The following OTUD7A variants were observed in gnomAD, a reference collection of about 807,000 sequenced individuals.
OTUD7A encodes the protein OTU deubiquitinase 7A, also known as OTU domain-containing protein 7A.
A neutral mutation model predicts 65.7 loss-of-function variants in OTUD7A; 12 were observed. That is an observed-to-expected ratio of 0.18 (90% confidence interval 0.12 to 0.30). OTUD7A has a LOEUF of 0.30. Ranked by LOEUF, OTUD7A falls within the 10% of genes least tolerant of loss-of-function variation. The probability of loss-of-function intolerance (pLI) is 1.00; values close to 1 mark genes in which losing one functional copy is unlikely to be tolerated. For missense variants in OTUD7A, 1,148 were observed against 1,304.8 expected (o/e 0.88, Z 1.85); for synonymous variants, 641 against 586.3 (o/e 1.09, Z -1.35).
intron 5 of OTUD7A, among the ~76,000 whole-genome samples, chr15:31,531,202 T>C (rs1303555258): frequency 2.6e-5 from 4 of 152,228 alleles, no homozygotes; most frequent in African/African-American, 4.8e-5. Context: ...TCATATTTCA[T>C]TTGATTCATC....
intron 8 of OTUD7A, among the ~76,000 whole-genome samples, chr15:31,509,222 C>T (rs1675814995): frequency 6.6e-6 from 1 of 151,840 alleles, no homozygotes; most frequent in Non-Finnish European, 1.5e-5. Context: ...TTGGATACCT[C>T]TTTAGCTAAT....
At chr15:31,755,480 G>T (rs2140897239) in intron 1 of OTUD7A, among the ~76,000 whole-genome samples, 1 of 152,224 alleles carries the variant, frequency 6.6e-6, no homozygotes, top group African/African-American at 2.4e-5. Context: ...CCAGCACTTT[G>T]GGAGGCCGAG....
At chr15:31,757,615 A>G (rs1034886620) in intron 1 of OTUD7A, among the ~76,000 whole-genome samples, 1 of 149,454 alleles carries the variant, frequency 6.7e-6, no homozygotes, top group South Asian at 2.1e-4. Flanking sequence ...TTGTATTCCC[A>G]TGAATTGTAC....
At chr15:31,625,112 G>A (rs1890911720) in intron 3 of OTUD7A, among the ~76,000 whole-genome samples, 1 of 152,190 alleles carries the variant, frequency 6.6e-6, no homozygotes, top group Non-Finnish European at 1.5e-5. Context: ...GGTTGCCCAG[G>A]CAGCCAGGGA....
chr15:31,865,430 G>A (rs960636429), intron 1 of OTUD7A, among the ~76,000 whole-genome samples: 2 of 152,192 alleles, frequency 1.3e-5, no homozygotes, highest in African/African-American at 4.8e-5. Context: ...GAAGGAGGAC[G>A]TGCTGAGTCC....
At chr15:31,775,429 A>T (rs184737634) in intron 1 of OTUD7A, among the ~76,000 whole-genome samples, 25 of 152,336 alleles carry the variant, frequency 1.6e-4, no homozygotes, top group Non-Finnish European at 2.6e-4. Flanking sequence ...AAAAATAAAT[A>T]AATTAAACAA....
chr15:31,824,352 T>C (rs1362964826), intron 1 of OTUD7A, among the ~76,000 whole-genome samples: 1 of 152,172 alleles, frequency 6.6e-6, no homozygotes, highest in Non-Finnish European at 1.5e-5. Flanking sequence ...GGATGCTCCA[T>C]GCATGAATGC....
chr15:31,554,567 G>A (rs1395312402), intron 5 of OTUD7A, among the ~76,000 whole-genome samples: 1 of 152,110 alleles, frequency 6.6e-6, no homozygotes, highest in African/African-American at 2.4e-5. Context: ...ATCCTCCCCT[G>A]GAGCACAACT....
intron 5 of OTUD7A, among the ~76,000 whole-genome samples, chr15:31,542,751 A>G (rs1010785311): frequency 2.0e-5 from 3 of 151,920 alleles, no homozygotes; most frequent in African/African-American, 4.8e-5. Flanking sequence ...GAGAAAGAAA[A>G]AAACCAGATT....
At chr15:31,869,790 T>C (rs376518099) in intron 1 of OTUD7A, among the ~76,000 whole-genome samples, 68 of 152,098 alleles carry the variant, frequency 4.5e-4, no homozygotes, top group Non-Finnish European at 2.1e-4. Context: ...ACTTGAGCGG[T>C]TGTGTCCAAT....
chr15:31,733,085 G>A (rs751180384), intron 1 of OTUD7A, among the ~76,000 whole-genome samples: 5 of 152,174 alleles, frequency 3.3e-5, no homozygotes, highest in Non-Finnish European at 5.9e-5. Context: ...TCTGGAGCCC[G>A]AGTTTCAGTC....
At chr15:31,861,118 G>C (rs1213870368) in intron 1 of OTUD7A, among the ~76,000 whole-genome samples, 2 of 152,102 alleles carry the variant, frequency 1.3e-5, no homozygotes, top group African/African-American at 2.4e-5. Flanking sequence ...CACTTTGGGA[G>C]AACTAGGGAA....
chr15:31,507,626 C>A (rs1414744944), intron 8 of OTUD7A, among the ~76,000 whole-genome samples: 1 of 73,454 alleles, frequency 1.4e-5, no homozygotes, highest in Non-Finnish European at 2.6e-5. Context: ...GTTGCTGCCG[C>A]TGCTGGCTGG....
At chr15:31,763,793 G>T (rs547516649) in intron 1 of OTUD7A, among the ~76,000 whole-genome samples, 1 of 152,208 alleles carries the variant, frequency 6.6e-6, no homozygotes, top group Admixed American at 6.5e-5. Flanking sequence ...CCTGAATACA[G>T]CAAGGAAAAA....
chr15:31,856,017 C>T (rs1897563129), intron 1 of OTUD7A, among the ~76,000 whole-genome samples: 2 of 152,140 alleles, frequency 1.3e-5, no homozygotes, highest in African/African-American at 4.8e-5. Context: ...GGAGGGGCTG[C>T]CACGTCAATG....
In OTUD7A at chr15:31,483,690, G is replaced by C; in HGVS notation, c.2406C>G (p.Ala802=). The C allele has an allele frequency of 8.6e-7, 1 of 1,159,268 alleles. No individual in the cohort carries two copies. Among genetic ancestry groups the C allele is most frequent in the African/African-American group, 1.6e-5 (1 of 61,148 alleles). 71.8% of individuals were successfully genotyped at this position (1,159,268 alleles called of 1,614,324 possible). The change falls in exon 13 of 13, where the codon GCC becomes GCG. Residue 802 remains alanine (A), a synonymous_variant. Transcript: ENST00000307050. ...APAVGALRPC[A]TYPQQNRSLS... ...GCGAGCGGTTCTGCTGCGGGTACGT[G>C]GCGCACGGCCGCAGCGCCCCCACGG...
At chr15:31,671,834 T>C (rs1258069918) in intron 1 of OTUD7A, among the ~76,000 whole-genome samples, 1 of 152,178 alleles carries the variant, frequency 6.6e-6, no homozygotes, top group Non-Finnish European at 1.5e-5. Context: ...CTGCATGTCA[T>C]GGGGGTTTGG....
intron 1 of OTUD7A, among the ~76,000 whole-genome samples, chr15:31,826,167 C>T (rs1223667134): frequency 1.3e-5 from 2 of 152,254 alleles, no homozygotes; most frequent in Non-Finnish European, 2.9e-5. Flanking sequence ...GGCTCCGACC[C>T]CACATTTCCC....
At chr15:31,539,149 G>A (rs906246902) in intron 5 of OTUD7A, among the ~76,000 whole-genome samples, 4 of 152,010 alleles carry the variant, frequency 2.6e-5, no homozygotes, top group Non-Finnish European at 5.9e-5. Context: ...TCCATATAAT[G>A]AGCAAGTGCC....
Sources: gnomAD v4.1 joint callset for allele counts (sites outside exome capture counted in the v4.1 genomes callset) on GRCh38, gnomAD v4.1.1 for gene constraint, MANE v1.5 for transcripts, NCBI Gene and HGNC (gene_info 2026-07-23, HGNC 2026-07-21) for gene names.